PTPRD: variants seen among roughly 807,000 people sequenced by gnomAD.
PTPRD encodes the protein receptor-type tyrosine-protein phosphatase delta.
A neutral mutation model predicts 214.5 loss-of-function variants in PTPRD; 34 were observed. The observed-to-expected ratio is 0.16, with a 90% CI of 0.12 to 0.21. The LOEUF is 0.21. Among genes scored for constraint, PTPRD ranks in the 10% least tolerant of loss-of-function variants. The probability of loss-of-function intolerance (pLI) is 1.00; values close to 1 mark genes in which losing one functional copy is unlikely to be tolerated. For synonymous variants in PTPRD, 1,128 were observed against 845.7 expected (o/e 1.33, Z -5.79); for missense variants, 2,545 against 2,398.7 (o/e 1.06, Z -1.27).
intron 10 of PTPRD, among the ~76,000 whole-genome samples, chr9:9,175,641 A>AAAAAAC (rs71319204): frequency 2.2e-4 from 31 of 140,402 alleles, no homozygotes; most frequent in African/African-American, 7.6e-4. Context: ...AAAAAAAAAA[A>AAAAAAC]AAAAAAAAAG....
chr9:10,002,134 C>A (rs1037920816), intron 4 of PTPRD, among the ~76,000 whole-genome samples: 1 of 150,832 alleles, frequency 6.6e-6, no homozygotes, highest in Non-Finnish European at 1.5e-5. Context: ...TAATTGTAAT[C>A]CCAAGCACAA....
chr9:9,357,795 T>G (rs1463163182), intron 9 of PTPRD, among the ~76,000 whole-genome samples: 1 of 151,432 alleles, frequency 6.6e-6, no homozygotes, highest in Middle Eastern at 3.4e-3. Context: ...TTGGAATATA[T>G]TTGACATTAT....
chr9:10,441,921 C>G (rs1447100317), intron 2 of PTPRD, among the ~76,000 whole-genome samples: 1 of 151,498 alleles, frequency 6.6e-6, no homozygotes, highest in Non-Finnish European at 1.5e-5. Flanking sequence ...GTTGACAAGA[C>G]TAAATATGTC....
chr9:9,815,013 C>A (rs1490702818), intron 5 of PTPRD, among the ~76,000 whole-genome samples: 1 of 151,946 alleles, frequency 6.6e-6, no homozygotes, highest in Non-Finnish European at 1.5e-5. Context: ...TCACCCACCT[C>A]AGCCTCCCAA....
At chr9:9,990,019 C>A (rs2095858655) in intron 4 of PTPRD, among the ~76,000 whole-genome samples, 1 of 152,196 alleles carries the variant, frequency 6.6e-6, no homozygotes, top group Non-Finnish European at 1.5e-5. Context: ...CAGGATTCAT[C>A]AGATGTGTGA....
chr9:9,801,338 A>T (rs200182011), intron 5 of PTPRD, among the ~76,000 whole-genome samples: 5 of 22,488 alleles, frequency 2.2e-4, no homozygotes, highest in African/African-American at 1.3e-3. Flanking sequence ...AAAGAGGATT[A>T]AAAAAAAAAA....
chr9:9,818,184 C>G lies in PTPRD; in HGVS notation c.-367-51333G>C, dbSNP rs567569882. On this transcript the variant is annotated intron_variant, in intron 5 of 45. Coordinates refer to ENST00000381196, the MANE Select transcript of PTPRD (RefSeq NM_002839.4). The stretch of plus-strand genomic sequence containing the variant: ...GTATTTTTAATGGGACCCACACCAA[C>G]AAGAAGTGTCAGACCTAAAGAAATC... 2.0e-5 allele frequency among the ~76,000 whole-genome samples: 3 copies of G among 152,244 alleles called. No homozygotes were observed. In the East Asian group the frequency reaches 5.8e-4, roughly 29 times the overall value.
At position 8,517,923 on chromosome 9, in the gene PTPRD, C is replaced by G. The variant is rs773278043; in HGVS notation, c.1468G>C (p.Val490Leu). 3.1e-6 allele frequency: 5 copies of G among 1,614,062 alleles called. No individual in the cohort carries two copies. The highest frequency in any genetic ancestry group is 4.2e-6 in the Non-Finnish European group (5 of 1,180,030). The change falls in exon 21 of 46, where the codon GTC becomes CTC. Residue 490 changes from valine to leucine, a missense_variant. Transcript: ENST00000381196. The part of the protein sequence containing the change: ...GNLVPQKTYS[V>L]KVLAFTSIGD... The stretch of plus-strand genomic sequence containing the variant: ...ATTGAGGTAAAAGCCAGGACTTTGA[C>G]AGAATATGTTTTCTGGGGCACTAAG...
At chr9:9,441,827 C>T (rs1331632432) in intron 8 of PTPRD, among the ~76,000 whole-genome samples, 2 of 152,202 alleles carry the variant, frequency 1.3e-5, no homozygotes, top group African/African-American at 4.8e-5. Flanking sequence ...AGAATGGTGT[C>T]ATGCTAAGGA....
At chr9:9,620,870 A>G (rs1427545969) in intron 7 of PTPRD, among the ~76,000 whole-genome samples, 1 of 152,028 alleles carries the variant, frequency 6.6e-6, no homozygotes, top group African/African-American at 2.4e-5. Context: ...AGAGGAGAAA[A>G]AAAAAAAAAA....
intron 2 of PTPRD, among the ~76,000 whole-genome samples, chr9:10,394,721 A>G (rs1024259446): frequency 6.6e-5 from 10 of 151,916 alleles, no homozygotes; most frequent in African/African-American, 2.4e-4. Context: ...TACTTTAAAT[A>G]GTAAATGTAC....
chr9:9,122,426 A>T (rs2099818467), intron 10 of PTPRD, among the ~76,000 whole-genome samples: 1 of 152,234 alleles, frequency 6.6e-6, no homozygotes, highest in Non-Finnish European at 1.5e-5. Flanking sequence ...GAGTCAGCAA[A>T]TGTCCTAAAT....
chr9:9,590,897 G>T (rs1365706324), intron 7 of PTPRD, among the ~76,000 whole-genome samples: 1 of 151,984 alleles, frequency 6.6e-6, no homozygotes, highest in South Asian at 2.1e-4. Context: ...TTTGCTTTGG[G>T]TATTATCGTG....
intron 9 of PTPRD, among the ~76,000 whole-genome samples, chr9:9,260,007 A>T (rs1489399097): frequency 6.6e-6 from 1 of 151,894 alleles, no homozygotes; most frequent in Admixed American, 6.6e-5. Context: ...TATTTGCCCT[A>T]AATCTGCAGA....
chr9:9,752,766 A>G (rs186196583), intron 6 of PTPRD, among the ~76,000 whole-genome samples: 2 of 152,030 alleles, frequency 1.3e-5, no homozygotes, highest in Non-Finnish European at 2.9e-5. Flanking sequence ...ATCGTTTTAC[A>G]TTGTTTAGAA....
chr9:8,998,798 G>C (rs887235813), intron 11 of PTPRD, among the ~76,000 whole-genome samples: 1 of 150,924 alleles, frequency 6.6e-6, no homozygotes, highest in Non-Finnish European at 1.5e-5. Flanking sequence ...GGATTCATGG[G>C]TTAAGGCCAA....
intron 14 of PTPRD, among the ~76,000 whole-genome samples, chr9:8,554,732 T>C (rs2083208581): frequency 6.6e-6 from 1 of 152,164 alleles, no homozygotes; most frequent in South Asian, 2.1e-4. Context: ...GTCCAACACG[T>C]TTGTTTATTT....
At chr9:8,876,422 T>A (rs1181932373) in intron 11 of PTPRD, among the ~76,000 whole-genome samples, 2 of 152,360 alleles carry the variant, frequency 1.3e-5, no homozygotes, top group East Asian at 3.9e-4. Context: ...GGAATGTGAT[T>A]TTCTGTGGGA....
chr9:9,591,127 C>G (rs528971812), intron 7 of PTPRD, among the ~76,000 whole-genome samples: 16 of 151,322 alleles, frequency 1.1e-4, no homozygotes, highest in African/African-American at 3.2e-4. Flanking sequence ...CTGGGTAGGC[C>G]CATTCTAATC....
Sources: gnomAD v4.1 joint callset for allele counts (sites outside exome capture counted in the v4.1 genomes callset) on GRCh38, gnomAD v4.1.1 for gene constraint, MANE v1.5 for transcripts, NCBI Gene and HGNC (gene_info 2026-07-23, HGNC 2026-07-21) for gene names.